The following GRIN2C variants were observed in gnomAD, a reference collection of about 807,000 sequenced individuals.
GRIN2C encodes glutamate receptor ionotropic, NMDA 2C.
Under a neutral mutation model 77.7 loss-of-function variants are expected in GRIN2C, and 64 were observed. That is an observed-to-expected ratio of 0.82 (90% confidence interval 0.67 to 1.01). The LOEUF (loss-of-function observed/expected upper bound fraction) is 1.01, where lower values mean the gene tolerates loss of function less well. Among genes scored for constraint, GRIN2C ranks in the 50% least tolerant of loss-of-function variants. The pLI is 0.00. For missense variants in GRIN2C, 1,549 were observed against 1,486.0 expected, an observed-to-expected ratio of 1.04 and a Z score of -0.70; for synonymous variants, 792 against 643.4, an observed-to-expected ratio of 1.23 and a Z score of -3.49.
rs907727437 is a variant in GRIN2C at position 74,847,127 on chromosome 17, C to T, written c.2001+181G>A. The T allele has an allele frequency of 3.5e-5, 25 of 717,990 alleles. No individual in the cohort carries two copies. The highest frequency in any genetic ancestry group is 3.9e-4 in the Middle Eastern group (1 of 2,536). 44.5% of individuals were successfully genotyped at this position (717,990 alleles called of 1,614,324 possible). A position where few individuals can be genotyped will look rare whatever the true frequency, so the allele number is the denominator to read the frequency against. On this transcript the variant is annotated intron_variant, in intron 9 of 12. Coordinates refer to ENST00000293190, the MANE Select transcript of GRIN2C (RefSeq NM_000835.6). This position sits in a 1 kb window ranked among gnomAD's most constrained non-coding sequence, Gnocchi z 5.2. ...AGAGACTTACCCAAGGCCTCTCAGC[C>T]GGTGGCCCTGAGCCATCTCTTGCCC...
chr17:74,850,551 C>A lies in GRIN2C; in HGVS notation c.1325+5G>T. 1.2e-6 allele frequency: 2 copies of A among 1,613,364 alleles called. No homozygotes were observed. Among genetic ancestry groups the A allele is most frequent in the Middle Eastern group, 1.7e-4 (1 of 6,060 alleles). On this transcript the variant is annotated splice_donor_5th_base_variant and intron_variant, in intron 5 of 12. Coordinates refer to ENST00000293190, the MANE Select transcript of GRIN2C (RefSeq NM_000835.6). The surrounding 1 kb of genome is among the most constrained non-coding windows in gnomAD (Gnocchi z 5.3). ...CACACTAGCCTCCCAGGGCCCTCCA[C>A]AGACCTGAAGGTGTGGTTGCTCTGC... is the stretch of plus-strand genomic sequence containing the variant.
chr17:74,842,094 G>A lies in GRIN2C; in HGVS notation c.*341C>T, dbSNP rs571534512. The A allele has an allele frequency of 1.7e-5, 5 of 287,786 alleles. No individual in the cohort carries two copies. The highest frequency in any genetic ancestry group is 1.1e-4 in the Admixed American group (2 of 18,400). 17.8% of individuals were successfully genotyped at this position (287,786 alleles called of 1,614,324 possible). ...ACTCTAGCCAGGTAGAGCAAGGATCGGGATGGCCCTGCCTCAACCACAAGT... is the reference window on the plus strand; with the variant it reads ...ACTCTAGCCAGGTAGAGCAAGGATCAGGATGGCCCTGCCTCAACCACAAGT... On this transcript the variant is annotated 3_prime_UTR_variant, in exon 13 of 13. Transcript: ENST00000293190.
rs201909582 is a variant in GRIN2C at position 74,852,413 on chromosome 17, T to A, written c.598A>T (p.Thr200Ser). Residue 200 changes from threonine (T) to serine (S), a missense_variant, in exon 3 of 13, where the codon ACG becomes TCG. Coordinates refer to ENST00000293190, the MANE Select transcript of GRIN2C (RefSeq NM_000835.6). ...HVSWRLLDVV[T>S]LELGPGGPRA... Reference sequence around the variant, plus strand: ...GGCCCTCCCGGGCCCAGCTCCAGCGTGACCACGTCCAGCAGCCGCCAACTC... The same window carrying A: ...GGCCCTCCCGGGCCCAGCTCCAGCGAGACCACGTCCAGCAGCCGCCAACTC... 1.7e-5 allele frequency: 26 copies of A among 1,505,212 alleles called. No homozygotes were observed. In the East Asian group the frequency reaches 3.8e-4, roughly 22 times the overall value. 93.2% of individuals were successfully genotyped at this position (1,505,212 alleles called of 1,614,324 possible).
At chr17:74,860,651 TG>T, upstream of GRIN2C, 1 of 376,928 alleles carries the variant, frequency 2.7e-6, no homozygotes, top group Non-Finnish European at 5.3e-6. Context: ...CGCCAGGTCT[TG>T]CTCGCCCAGT....
At chr17:74,851,053 T>TC in intron 4 of GRIN2C, 1 of 509,704 alleles carries the variant, frequency 2.0e-6, no homozygotes, top group Non-Finnish European at 3.5e-6. Context: ...TCAAGGCCCT[T>TC]CATGCTCCAA....
In GRIN2C at chr17:74,842,818, G is replaced by A; in HGVS notation, c.3319C>T (p.Arg1107Cys). Residue 1107 changes from arginine to cysteine, a missense_variant, in exon 13 of 13, where the codon CGC becomes TGC. Around this residue, in one of 3 missense-constraint regions of GRIN2C, gnomAD observed 450 missense variants for 267.9 expected, o/e 1.68. Transcript: ENST00000293190. ...CTGCAGGCCGAGTGGCCGTCGGGGC[G>A]GGCGCAGGCGGGGCCGGTGCACCCA... is the stretch of plus-strand genomic sequence containing the variant. ...PAGCTGPACA[R>C]PDGHSACRRL... The A allele has an allele frequency of 1.7e-6, 1 of 602,526 alleles. No homozygotes were observed. The highest frequency in any genetic ancestry group is 2.9e-6 in the Non-Finnish European group (1 of 343,988). 37.3% of individuals were successfully genotyped at this position (602,526 alleles called of 1,614,324 possible).
At chr17:74,861,329 T>G (rs2037948960), upstream of GRIN2C, 1 of 152,024 alleles carries the variant, frequency 6.6e-6, no homozygotes. Flanking sequence ...CCCCCGGGTG[T>G]CCCGCCTCTG....
rs200999765 is a variant in GRIN2C, at chr17:74,850,725, C to T, written c.1156G>A (p.Val386Met). The T allele has an allele frequency of 4.5e-4, 728 of 1,613,430 alleles. No individual in the cohort carries two copies. Among genetic ancestry groups the T allele is most frequent in the Non-Finnish European group, 5.4e-4 (632 of 1,179,994 alleles). ...AGAGAGGCACTGTAGCGAGGCCACA[C>T]GGGGTACTTCATGTATAGGACGCCA... is the stretch of plus-strand genomic sequence containing the variant. ...EHGVLYMKYP[V>M]WPRYSASLQP... Residue 386 changes from valine to methionine, a missense_variant, in exon 5 of 13, where the codon GTG (valine) becomes ATG (methionine). Transcript: ENST00000293190. The surrounding 1 kb of genome is among the most constrained non-coding windows in gnomAD (Gnocchi z 5.3).
In GRIN2C at chr17:74,842,758, T is replaced by C. The variant is rs1326630279; in HGVS notation, c.3379A>G (p.Ile1127Val). Residue 1127 changes from isoleucine (I) to valine (V), a missense_variant, in exon 13 of 13, where the codon ATC becomes GTC. Ile to Val is a conservative substitution (Grantham distance 29). Around this residue, in one of 3 missense-constraint regions of GRIN2C, gnomAD observed 450 missense variants for 267.9 expected, o/e 1.68. Coordinates refer to ENST00000293190, the MANE Select transcript of GRIN2C (RefSeq NM_000835.6). ...LAQAQSMCLP[I>V]YREACQEGEQ... ...CCCTCCTGGCAGGCCTCCCGGTAGA[T>C]CGGCAAGCACATCGACTGCGCCTGC... The C allele has an allele frequency of 4.4e-6, 3 of 687,390 alleles. No individual in the cohort carries two copies. The African/African-American group carries it at 5.3e-5, about 12-fold the overall frequency. The allele number at this position is 687,390 out of a possible 1,614,324, so 42.6% of individuals were successfully genotyped here. A position where few individuals can be genotyped will look rare whatever the true frequency, so the allele number is the denominator to read the frequency against.
intron 11 of GRIN2C, among the ~76,000 whole-genome samples, chr17:74,844,821 CCTCTT>C (rs1453031844): frequency 6.6e-6 from 1 of 152,142 alleles, no homozygotes. Flanking sequence ...TTCATTCACT[CCTCTT>C]CATATACTTA....
In GRIN2C at chr17:74,846,374, G is replaced by A; in HGVS notation, c.2163-121C>T. The A allele has an allele frequency of 2.6e-6, 2 of 781,624 alleles. No individual in the cohort carries two copies. The highest frequency in any genetic ancestry group is 2.3e-5 in the Admixed American group (1 of 43,800). The allele number at this position is 781,624 out of a possible 1,614,324, so 48.4% of individuals were successfully genotyped here. ...CTGGGCACCCCCGGGAGGGACCAAT[G>A]GGCAGAGACTTGTCTGGTTCTCTTG... On this transcript the variant is annotated intron_variant, in intron 10 of 12. Transcript: ENST00000293190. The surrounding 1 kb of genome is among the most constrained non-coding windows in gnomAD (Gnocchi z 4.4).
intron 2 of GRIN2C, 64 bp downstream of exon 2, chr17:74,854,630 G>T (rs772245453): frequency 1.1e-5 from 16 of 1,430,310 alleles, no homozygotes; most frequent in Middle Eastern, 3.6e-4. Flanking sequence ...CAGAACCAAA[G>T]CACCCCCGAC....
In GRIN2C at chr17:74,849,971, T is replaced by C. The variant is rs2037583196; in HGVS notation, c.1492-38A>G. ...CGCCACGGAGGTTTGAAAAAGGGGC[T>C]CCCGTGGGGTGGACACGCTGCACAG... On this transcript the variant is annotated intron_variant, in intron 6 of 12. Transcript: ENST00000293190. The surrounding 1 kb of genome is among the most constrained non-coding windows in gnomAD (Gnocchi z 4.6). 4 of 1,593,384 alleles carry C rather than the reference T, an allele frequency of 2.5e-6. No homozygotes were observed. The East Asian group carries it at 8.9e-5, about 36-fold the overall frequency.
At position 74,852,289 on chromosome 17, in the gene GRIN2C, G is replaced by A; in HGVS notation, c.722C>T (p.Ala241Val). The change falls in exon 3 of 13, where the codon GCG becomes GTG. Residue 241 changes from alanine to valine, a missense_variant. Ala to Val is a moderately conservative substitution (Grantham distance 64). This residue lies in a region of GRIN2C where 382 missense variants were observed against 360.0 expected (regional missense o/e 1.06). Transcript: ENST00000293190. The part of the protein sequence containing the change: ...EEAEVLFAEA[A>V]QAGLVGPGHV... ...GCCGGGCCCCACCAGACCGGCCTGCGCCGCCTCGGCGAAGAGCACCTCGGC... is the reference window on the plus strand; with the variant it reads ...GCCGGGCCCCACCAGACCGGCCTGCACCGCCTCGGCGAAGAGCACCTCGGC... The A allele has an allele frequency of 2.1e-6, 3 of 1,423,138 alleles. No individual in the cohort carries two copies. Among genetic ancestry groups the A allele is most frequent in the Non-Finnish European group, 2.7e-6 (3 of 1,095,596 alleles). The allele number at this position is 1,423,138 out of a possible 1,614,324, so 88.2% of individuals were successfully genotyped here. A position where few individuals can be genotyped will look rare whatever the true frequency, so the allele number is the denominator to read the frequency against.
At position 74,852,587 on chromosome 17, in the gene GRIN2C, G is replaced by A; in HGVS notation, c.424C>T (p.Leu142=). ...AGCTGCTGCTCCAGGGACACGCCCA[G>A]CTGCAGGAAGGCGGAGCCCGGCTCC... ...PKEPGSAFLQ[L]GVSLEQQLQV... Residue 142 remains leucine, a synonymous_variant, in exon 3 of 13, where the codon CTG becomes TTG. Transcript: ENST00000293190. The A allele has an allele frequency of 7.0e-7, 1 of 1,438,482 alleles. No homozygotes were observed. The highest frequency in any genetic ancestry group is 9.2e-7 in the Non-Finnish European group (1 of 1,092,184). The allele number at this position is 1,438,482 out of a possible 1,614,324, so 89.1% of individuals were successfully genotyped here. A position where few individuals can be genotyped will look rare whatever the true frequency, so the allele number is the denominator to read the frequency against.
At chr17:74,848,461 C>G (rs779719375) in intron 7 of GRIN2C, among the ~76,000 whole-genome samples, 21 of 152,234 alleles carry the variant, frequency 1.4e-4, no homozygotes, top group Non-Finnish European at 2.5e-4. Flanking sequence ...CGCCTGTAAT[C>G]CCAGCACTTT....
Position 74,852,042 on chromosome 17 carries a change from G to A in GRIN2C, c.969C>T (p.Pro323=). Residue 323 remains proline, a synonymous_variant, in exon 3 of 13, where the codon CCC becomes CCT. Transcript: ENST00000293190. ...AGAAGGCCTCCCGGGCAGGGCTGAC[G>A]GGCCCAGGGTGAACACGGCAGTCCC... ...PAGDCRVHPG[P]VSPAREAFYR... 1 of 1,460,906 alleles carries A rather than the reference G, an allele frequency of 6.8e-7. No homozygotes were observed. Among genetic ancestry groups the A allele is most frequent in the Non-Finnish European group, 9.0e-7 (1 of 1,105,062 alleles). 90.5% of individuals were successfully genotyped at this position (1,460,906 alleles called of 1,614,324 possible). A position where few individuals can be genotyped will look rare whatever the true frequency, so the allele number is the denominator to read the frequency against.
chr17:74,853,452 A>G (rs1294889027), intron 2 of GRIN2C: 1 of 152,240 alleles, frequency 6.6e-6, no homozygotes, highest in Non-Finnish European at 1.5e-5. Context: ...AGGCTGCAAA[A>G]TAAACACTTA....
rs908602812 is a variant in GRIN2C, at chr17:74,846,556, T to TTGA, written c.2162+201_2162+203dup. Among the ~76,000 whole-genome samples the TTGA allele has an allele frequency of 4.6e-5, 5 of 108,764 alleles. No individual in the cohort carries two copies. The highest frequency in any genetic ancestry group is 1.0e-4 in the African/African-American group (4 of 38,108). 71.4% of individuals were successfully genotyped at this position (108,764 alleles called of 152,430 possible). On this transcript the variant is annotated intron_variant, in intron 10 of 12. Coordinates refer to ENST00000293190, the MANE Select transcript of GRIN2C (RefSeq NM_000835.6). The surrounding 1 kb of genome is among the most constrained non-coding windows in gnomAD (Gnocchi z 4.4). ...CACCACCTCAGGCTGAGGCTGAACT[T>TTGA]TGATTGGCACCACAGCTGTGTTCTG...
Sources: gnomAD v4.1 joint callset for allele counts (sites outside exome capture counted in the v4.1 genomes callset) on GRCh38, gnomAD v4.1.1 for gene constraint, gnomAD v4.1.1 regional missense constraint, Gnocchi (gnomAD v3.1) non-coding constraint, MANE v1.5 for transcripts, NCBI Gene and HGNC (gene_info 2026-07-23, HGNC 2026-07-21) for gene names.